TCF12: variants seen among roughly 807,000 people sequenced by gnomAD.
TCF12 encodes the protein DNA-binding protein HTF4.
A neutral mutation model predicts 86.0 loss-of-function variants in TCF12; 45 were observed. The ratio of observed to expected loss-of-function variants is 0.52; its 90% CI spans 0.41 to 0.67. The LOEUF (loss-of-function observed/expected upper bound fraction) is 0.67. Ranked by LOEUF, TCF12 falls within the 30% of genes least tolerant of loss-of-function variation. TCF12 has a pLI of 0.00. For missense variants in TCF12, 881 were observed against 859.9 expected (o/e 1.02, Z -0.31); for synonymous variants, 330 against 299.6 (o/e 1.10, Z -1.05).
chr15:57,057,942 G>A (rs1344472595), intron 3 of TCF12, among the ~76,000 whole-genome samples: 2 of 152,150 alleles, frequency 1.3e-5, no homozygotes, highest in Non-Finnish European at 2.9e-5. Context: ...TCAGATACAG[G>A]GCTTTGGTAT....
Position 57,091,866 on chromosome 15 carries a change from AC to A in TCF12, c.302del (p.Pro101LeufsTer3). 6.2e-7 allele frequency: 1 copy of A among 1,613,692 alleles called. No homozygotes were observed. The highest frequency in any genetic ancestry group is 8.5e-7 in the Non-Finnish European group (1 of 1,179,712). ...GAGCCCATGAAGGCTTGTCCCCAAC[AC>A]CTTTCATGAACTCAAATCTGATGGG... ...LGAHEGLSPTPFMNSNLMGKT... is the reference protein window; with the variant it reads ...LGAHEGLSPTXFMNSNLMGKT... On this transcript the variant is annotated frameshift_variant, in exon 5 of 21. Transcript: ENST00000333725. LOFTEE classifies it high-confidence loss of function.
intron 8 of TCF12, among the ~76,000 whole-genome samples, chr15:57,221,488 T>A (rs2151867369): frequency 6.6e-6 from 1 of 151,860 alleles, no homozygotes; most frequent in East Asian, 1.9e-4. Flanking sequence ...TAGATTTTAT[T>A]CTTTGGAAAG....
chr15:57,066,549 A>T (rs374836193), intron 4 of TCF12, among the ~76,000 whole-genome samples: 1 of 152,188 alleles, frequency 6.6e-6, no homozygotes, highest in East Asian at 1.9e-4. Flanking sequence ...TTTGATTTTC[A>T]GTAACATCAC....
At chr15:57,268,043 G>T (rs1253956375) in intron 18 of TCF12, among the ~76,000 whole-genome samples, 2 of 152,116 alleles carry the variant, frequency 1.3e-5, no homozygotes, top group Non-Finnish European at 2.9e-5. Flanking sequence ...TATGGTGTAG[G>T]CTTGCTTCCA....
chr15:57,116,123 T>C (rs1479246255), intron 5 of TCF12, among the ~76,000 whole-genome samples: 1 of 152,184 alleles, frequency 6.6e-6, no homozygotes, highest in Non-Finnish European at 1.5e-5. Flanking sequence ...CATGACAAGA[T>C]TAAGTATCTT....
intron 6 of TCF12, among the ~76,000 whole-genome samples, chr15:57,190,022 G>T (rs2056899276): frequency 6.6e-6 from 1 of 152,198 alleles, no homozygotes. Context: ...GGAATATCCT[G>T]AATAGGCAAA....
At chr15:57,169,797 C>G (rs900966186) in intron 6 of TCF12, among the ~76,000 whole-genome samples, 1 of 152,032 alleles carries the variant, frequency 6.6e-6, no homozygotes, top group Non-Finnish European at 1.5e-5. Flanking sequence ...TTTTCACTTA[C>G]GTATTTATAC....
chr15:57,136,495 C>T (rs1596737886), intron 5 of TCF12, among the ~76,000 whole-genome samples: 2 of 152,058 alleles, frequency 1.3e-5, no homozygotes, highest in East Asian at 1.9e-4. Context: ...AACAGATCGA[C>T]GTATATTTCT....
chr15:56,977,448 G>A (rs2062668222), intron 3 of TCF12, among the ~76,000 whole-genome samples: 1 of 152,110 alleles, frequency 6.6e-6, no homozygotes, highest in African/African-American at 2.4e-5. Flanking sequence ...CAGAGGTTGA[G>A]GTCTCAGTGA....
intron 5 of TCF12, among the ~76,000 whole-genome samples, chr15:57,166,048 C>T (rs1323444936): frequency 4.6e-5 from 7 of 152,202 alleles, no homozygotes; most frequent in Admixed American, 2.0e-4. Flanking sequence ...CCACCTCAGC[C>T]TCCTGAGTAG....
At chr15:57,075,772 T>TTCTC in intron 4 of TCF12, among the ~76,000 whole-genome samples, 1 of 48,288 alleles carries the variant, frequency 2.1e-5, no homozygotes, top group Non-Finnish European at 4.1e-5. Context: ...CTTTCTTTCT[T>TTCTC]TCTTTCTTTC....
rs182909526 is a variant in TCF12, at chr15:57,103,338, G to C, written c.325+11447G>C. On this transcript the variant is annotated intron_variant, in intron 5 of 20. Coordinates refer to ENST00000333725, the MANE Select transcript of TCF12 (RefSeq NM_207037.2). ...ATGGTTAGTATTTGAAGAATTTTCT[G>C]AGTATTATATGCTATTCATTTTCAA... is the stretch of plus-strand genomic sequence containing the variant. 1.7e-3 allele frequency among the ~76,000 whole-genome samples: 258 copies of C among 152,216 alleles called. 1 individual carries two copies. The highest frequency in any genetic ancestry group is 8.7e-3 in the East Asian group (45 of 5,188).
chr15:57,035,221 C>T (rs1203139696), intron 3 of TCF12, among the ~76,000 whole-genome samples: 1 of 152,114 alleles, frequency 6.6e-6, no homozygotes, highest in African/African-American at 2.4e-5. Context: ...GGGGTTTAAA[C>T]TTCCAAAGTG....
intron 3 of TCF12, among the ~76,000 whole-genome samples, chr15:56,942,021 C>T (rs1221832526): frequency 6.6e-6 from 1 of 152,030 alleles, no homozygotes; most frequent in African/African-American, 2.4e-5. Context: ...TCTTGTGTAG[C>T]CTGGTAGAGT....
At chr15:56,925,240 G>GCCCCCCCCCCCCCCCCCCCCCCCCCCCCC (rs11465192) in intron 3 of TCF12, among the ~76,000 whole-genome samples, 1 of 136,256 alleles carries the variant, frequency 7.3e-6, no homozygotes, top group African/African-American at 2.7e-5. Context: ...GGTGTCCACC[G>GCCCCCCCCCCCCCCCCCCCCCCCCCCCCC]CCCCCCCACC....
intron 3 of TCF12, among the ~76,000 whole-genome samples, chr15:56,975,850 T>G (rs1160602976): frequency 1.3e-5 from 2 of 151,794 alleles, no homozygotes; most frequent in Non-Finnish European, 2.9e-5. Flanking sequence ...TGGTTTTATA[T>G]CTGAGGCAAG....
intron 7 of TCF12, among the ~76,000 whole-genome samples, chr15:57,196,577 G>T (rs2057276059): frequency 6.6e-6 from 1 of 152,084 alleles, no homozygotes. Context: ...TCCATTTTTT[G>T]TGTAAACCTG....
chr15:57,091,178 C>T (rs1367511742), intron 4 of TCF12, among the ~76,000 whole-genome samples: 1 of 151,946 alleles, frequency 6.6e-6, no homozygotes, highest in African/African-American at 2.4e-5. Context: ...ATATATTGTT[C>T]TACTACAGTA....
chr15:57,021,081 C>T (rs1237667470), intron 3 of TCF12, among the ~76,000 whole-genome samples: 3 of 152,112 alleles, frequency 2.0e-5, no homozygotes. Flanking sequence ...GAAATTATCT[C>T]TTCTGTTTCT....
Sources: allele counts gnomAD v4.1 joint callset (sites outside exome capture counted in the v4.1 genomes callset), GRCh38; gene constraint gnomAD v4.1.1; transcripts MANE v1.5; gene names NCBI Gene and HGNC (gene_info 2026-07-23, HGNC 2026-07-21).